The following NOX3 variants were observed in gnomAD, a reference collection of about 807,000 sequenced individuals.
The protein encoded by NOX3 is NADPH oxidase 3.
In NOX3, 74 loss-of-function variants were observed where a neutral mutation model predicts 76.7. The observed-to-expected ratio is 0.96, with a 90% CI of 0.80 to 1.17. The LOEUF (loss-of-function observed/expected upper bound fraction) is 1.17, where lower values mean the gene tolerates loss of function less well. Among genes scored for constraint, NOX3 ranks in the 50% most tolerant of loss-of-function variants. NOX3 has a pLI of 0.00. For missense variants in NOX3, 695 were observed against 703.3 expected, an observed-to-expected ratio of 0.99 and a Z score of 0.13; for synonymous variants, 263 against 261.1, an observed-to-expected ratio of 1.01 and a Z score of -0.07.
At chr6:155,400,824 T>C (rs1779214626) in intron 12 of NOX3, among the ~76,000 whole-genome samples, 1 of 152,166 alleles carries the variant, frequency 6.6e-6, no homozygotes, top group Admixed American at 6.5e-5. Context: ...GCCAGAACTG[T>C]GCTGTTCGGA....
intron 12 of NOX3, among the ~76,000 whole-genome samples, chr6:155,404,137 T>C (rs868436654): frequency 3.4e-5 from 5 of 148,778 alleles, no homozygotes; most frequent in South Asian, 2.1e-4. Context: ...ATTTTTTTTT[T>C]CCCAAAAGGA....
chr6:155,427,985 C>T (rs755838350), intron 9 of NOX3, among the ~76,000 whole-genome samples: 1 of 152,230 alleles, frequency 6.6e-6, no homozygotes, highest in Non-Finnish European at 1.5e-5. Context: ...ACTGCAACCT[C>T]TGCCTCCCAG....
At chr6:155,451,960 T>C (rs1006139068) in intron 4 of NOX3, among the ~76,000 whole-genome samples, 1 of 152,196 alleles carries the variant, frequency 6.6e-6, no homozygotes, top group Non-Finnish European at 1.5e-5. Flanking sequence ...CTGGCTGTTT[T>C]TTTCCCCCTT....
At chr6:155,443,761 ACTT>A (rs1202022197) in intron 4 of NOX3, among the ~76,000 whole-genome samples, 2 of 151,992 alleles carry the variant, frequency 1.3e-5, no homozygotes, top group Admixed American at 6.6e-5. Context: ...ATGATATATA[ACTT>A]CTTAAGAAAT....
chr6:155,404,382 T>G (rs966813007), intron 12 of NOX3, among the ~76,000 whole-genome samples: 1 of 151,988 alleles, frequency 6.6e-6, no homozygotes, highest in African/African-American at 2.4e-5. Flanking sequence ...GAAGCCAGGA[T>G]GGGTTGGAAG....
At chr6:155,407,292 A>G in intron 11 of NOX3, 38 bp from the exon 12 acceptor site, 1 of 1,561,586 alleles carries the variant, frequency 6.4e-7, no homozygotes, top group Non-Finnish European at 8.7e-7. Flanking sequence ...CATTTAGAAA[A>G]AAAAAATAAG....
intron 7 of NOX3, among the ~76,000 whole-genome samples, chr6:155,431,534 T>C (rs984146736): frequency 6.6e-6 from 1 of 152,046 alleles, no homozygotes; most frequent in African/African-American, 2.4e-5. Context: ...AATAATTGTC[T>C]AGAGAATTGT....
Position 155,399,844 on chromosome 6 carries a change from T to G in NOX3, c.1581-2882A>C, listed in dbSNP as rs991459019. ...TTACCCACAATCGCTTGGAATTAAATAGAGATTCTCCGCAAAAGAAGTATA... is the reference window on the plus strand; with the variant it reads ...TTACCCACAATCGCTTGGAATTAAAGAGAGATTCTCCGCAAAAGAAGTATA... On this transcript the variant is annotated intron_variant, in intron 12 of 13. Transcript: ENST00000159060. Among the ~76,000 whole-genome samples, 2 of 151,924 alleles carry G rather than the reference T, an allele frequency of 1.3e-5. 1 individual carries two copies. The highest frequency in any genetic ancestry group is 4.8e-5 in the African/African-American group (2 of 41,348).
chr6:155,397,666 G>C (rs1779157067), intron 12 of NOX3, among the ~76,000 whole-genome samples: 1 of 152,176 alleles, frequency 6.6e-6, no homozygotes, highest in African/African-American at 2.4e-5. Flanking sequence ...TTTATCAAAA[G>C]CAAGATGAGA....
At chr6:155,395,796 G>T (rs956411560) in intron 13 of NOX3, among the ~76,000 whole-genome samples, 1 of 152,022 alleles carries the variant, frequency 6.6e-6, no homozygotes, top group Non-Finnish European at 1.5e-5. Flanking sequence ...GGCGCAATGG[G>T]AATTAAAAAA....
At chr6:155,434,651 T>C (rs1776877733) in intron 7 of NOX3, among the ~76,000 whole-genome samples, 1 of 152,216 alleles carries the variant, frequency 6.6e-6, no homozygotes. Context: ...ACACTCAGTC[T>C]TCATATATTT....
chr6:155,414,845 C>G (rs556971226), intron 10 of NOX3, among the ~76,000 whole-genome samples: 2 of 152,032 alleles, frequency 1.3e-5, no homozygotes, highest in Non-Finnish European at 2.9e-5. Flanking sequence ...CCATGCTGGT[C>G]TCGAACTCCT....
chr6:155,433,672 C>T (rs1197709311), intron 7 of NOX3, among the ~76,000 whole-genome samples: 1 of 152,120 alleles, frequency 6.6e-6, no homozygotes, highest in Non-Finnish European at 1.5e-5. Flanking sequence ...GACAAAATGG[C>T]GGTTATGGAA....
intron 12 of NOX3, among the ~76,000 whole-genome samples, chr6:155,402,896 T>C (rs1473530461): frequency 6.6e-6 from 1 of 152,190 alleles, no homozygotes; most frequent in Non-Finnish European, 1.5e-5. Flanking sequence ...AATCCACCAA[T>C]TTCTTCTGAC....
intron 7 of NOX3, among the ~76,000 whole-genome samples, chr6:155,434,474 G>A (rs1256848868): frequency 3.9e-5 from 6 of 152,208 alleles, no homozygotes; most frequent in Non-Finnish European, 8.8e-5. Context: ...TAAGGGAAAT[G>A]TAGGAAGCGT....
chr6:155,405,335 G>T (rs1776433040), intron 12 of NOX3, among the ~76,000 whole-genome samples: 1 of 152,142 alleles, frequency 6.6e-6, no homozygotes, highest in Non-Finnish European at 1.5e-5. Flanking sequence ...AGGCAGATAT[G>T]AGTGTCACGT....
At chr6:155,428,143 C>T (rs913522200) in intron 9 of NOX3, among the ~76,000 whole-genome samples, 19 of 152,212 alleles carry the variant, frequency 1.2e-4, no homozygotes, top group African/African-American at 3.6e-4. Context: ...TCAAGTGATC[C>T]GCCCGCCTTG....
At chr6:155,396,759 T>C (rs1451366709) in intron 13 of NOX3, 50 bp downstream of exon 13, 2 of 1,472,642 alleles carry the variant, frequency 1.4e-6, no homozygotes, top group African/African-American at 2.8e-5. Flanking sequence ...GTTTGGCCCC[T>C]TATGGGAAGA....
chr6:155,420,476 G>A (rs1464515232), intron 10 of NOX3, among the ~76,000 whole-genome samples: 2 of 152,172 alleles, frequency 1.3e-5, no homozygotes, highest in East Asian at 3.8e-4. Context: ...CCCAGTCACT[G>A]TTTTGCTTGC....
Sources: allele counts gnomAD v4.1 joint callset (sites outside exome capture counted in the v4.1 genomes callset), GRCh38; gene constraint gnomAD v4.1.1; transcripts MANE v1.5; gene names NCBI Gene and HGNC (gene_info 2026-07-23, HGNC 2026-07-21).